TMEM87B: variants seen among roughly 807,000 people sequenced by gnomAD.
TMEM87B encodes the protein transmembrane protein 87B.
Under a neutral mutation model 80.3 loss-of-function variants are expected in TMEM87B, and 83 were observed. The observed-to-expected ratio is 1.03, with a 90% CI of 0.87 to 1.24. The LOEUF is 1.24. Ranked by LOEUF, TMEM87B falls within the 50% of genes most tolerant of loss-of-function variation. TMEM87B has a pLI of 0.00. For missense variants in TMEM87B, 625 were observed against 674.4 expected, an observed-to-expected ratio of 0.93 and a Z score of 0.81; for synonymous variants, 219 against 230.5, an observed-to-expected ratio of 0.95 and a Z score of 0.45.
At chr2:112,095,332 A>C (rs1352264094) in intron 11 of TMEM87B, 2 of 982,060 alleles carry the variant, frequency 2.0e-6, no homozygotes, top group South Asian at 4.7e-5. Context: ...GCGCGCTCTC[A>C]CTTCAGGATC....
At chr2:112,057,172 A>G (rs181470307) in intron 1 of TMEM87B, among the ~76,000 whole-genome samples, 30 of 152,322 alleles carry the variant, frequency 2.0e-4, no homozygotes, top group Admixed American at 1.7e-3. Context: ...CTTCTCTCCC[A>G]AGAGTGGACT....
At chr2:112,076,886 G>GTC (rs1266885762) in intron 5 of TMEM87B, among the ~76,000 whole-genome samples, 1 of 89,166 alleles carries the variant, frequency 1.1e-5, no homozygotes, top group Non-Finnish European at 2.4e-5. Flanking sequence ...GTGTGTGTGT[G>GTC]TGTCTGTGTG....
intron 8 of TMEM87B, among the ~76,000 whole-genome samples, chr2:112,084,692 G>A (rs1333094442): frequency 1.3e-5 from 2 of 152,164 alleles, no homozygotes; most frequent in African/African-American, 4.8e-5. Flanking sequence ...TTCACAACTG[G>A]TTTTGCCACC....
At chr2:112,079,464 A>G (rs752307962) in intron 6 of TMEM87B, among the ~76,000 whole-genome samples, 14 of 152,214 alleles carry the variant, frequency 9.2e-5, no homozygotes, top group Non-Finnish European at 1.9e-4. Flanking sequence ...TAAAGGCTGA[A>G]TAGTATTTCA....
At chr2:112,116,053 G>A (rs62157840) in intron 18 of TMEM87B, 31 bp from the exon 19 acceptor site, 1 of 1,596,440 alleles carries the variant, frequency 6.3e-7, no homozygotes, top group South Asian at 1.1e-5. Context: ...GTATCAACAT[G>A]TTGATACATA....
rs965441663 is a variant in TMEM87B, at chr2:112,082,078, A to T, written c.838+560A>T. On this transcript the variant is annotated intron_variant, in intron 8 of 18. Coordinates refer to ENST00000283206, the MANE Select transcript of TMEM87B (RefSeq NM_032824.3). ...AAGCAGGCAGGCCATACAGCTGGGC[A>T]TCCTCAGATGTGTGCCCCAGACTTC... Among the ~76,000 whole-genome samples the T allele has an allele frequency of 4.6e-5, 7 of 152,274 alleles. 1 individual carries two copies. The South Asian group carries it at 1.5e-3, about 32-fold the overall frequency.
chr2:112,058,699 AGAT>A (rs1400842310), intron 1 of TMEM87B, among the ~76,000 whole-genome samples: 1 of 152,264 alleles, frequency 6.6e-6, no homozygotes, highest in Admixed American at 6.5e-5. Context: ...TGCTGTCTAA[AGAT>A]GAATTATAGG....
chr2:112,069,943 A>G (rs1678572485), intron 4 of TMEM87B, among the ~76,000 whole-genome samples: 1 of 152,182 alleles, frequency 6.6e-6, no homozygotes, highest in Admixed American at 6.5e-5. Flanking sequence ...GCTTTTTAAA[A>G]TATGCTTGTT....
At chr2:112,072,729 T>G (rs938100418) in intron 4 of TMEM87B, among the ~76,000 whole-genome samples, 1 of 152,078 alleles carries the variant, frequency 6.6e-6, no homozygotes, top group Non-Finnish European at 1.5e-5. Flanking sequence ...CTGGATTCAT[T>G]GGTCTTTTGA....
In TMEM87B at chr2:112,101,243, TCTTA is replaced by T. The variant is rs563161738; in HGVS notation, c.1450+552_1450+555del. ...TTATCTTTGTTTCATTTTTTTGTCC[TCTTA>T]CTTTTGCTTCTCTTAGTAACATTCT... On this transcript the variant is annotated intron_variant, in intron 15 of 18. Transcript: ENST00000283206. 1.7e-4 allele frequency among the ~76,000 whole-genome samples: 26 copies of T among 152,364 alleles called. No individual in the cohort carries two copies. In the East Asian group the frequency reaches 3.7e-3, roughly 21 times the overall value.
intron 3 of TMEM87B, 85 bp from the exon 4 acceptor site, chr2:112,066,851 G>A: frequency 8.2e-7 from 1 of 1,214,604 alleles, no homozygotes; most frequent in Non-Finnish European, 1.1e-6. Context: ...TATACTTTTG[G>A]TATTATTTAG....
rs759069943 is a variant in TMEM87B at position 112,055,645 on chromosome 2, C to A, written c.54C>A (p.Cys18Ter). 37 of 1,564,584 alleles carry A rather than the reference C, an allele frequency of 2.4e-5. No individual in the cohort carries two copies. The highest frequency in any genetic ancestry group is 2.9e-5 in the Non-Finnish European group (33 of 1,157,858). ...VAGLLPRRRR[C>*]FPARAPLLRV... ...GGCTCCTGCCACGCCGCCGCCGCTGCTTTCCCGCCCGGGCCCCGCTGCTGC... is the reference window on the plus strand; with the variant it reads ...GGCTCCTGCCACGCCGCCGCCGCTGATTTCCCGCCCGGGCCCCGCTGCTGC... The change falls in exon 1 of 19, where the codon TGC (cysteine) becomes TGA (stop). Residue 18 changes from cysteine (C) to a stop codon, truncating the protein, a stop_gained. Transcript: ENST00000283206. LOFTEE classifies it high-confidence loss of function.
At position 112,077,242 on chromosome 2, in the gene TMEM87B, T is replaced by C; in HGVS notation, c.552T>C (p.Ser184=). 6.3e-7 allele frequency: 1 copy of C among 1,598,110 alleles called. No homozygotes were observed. Among genetic ancestry groups the C allele is most frequent in the African/African-American group, 1.3e-5 (1 of 74,698 alleles). The change falls in exon 6 of 19, where the codon TCT becomes TCC. Residue 184 remains serine (S), a synonymous_variant. Transcript: ENST00000283206. The stretch of plus-strand genomic sequence containing the variant: ...ATGGGTTTCATATCTTTATTGTTTC[T>C]ATTAAAACGGAGAATACAGATGCAA... The part of the protein sequence containing the change: ...QKDGFHIFIV[S]IKTENTDASW...
At position 112,107,841 on chromosome 2, in the gene TMEM87B, G is replaced by A. The variant is rs1679813765; in HGVS notation, c.1577+1G>A. ...ATATTCCCTCTTCATTCACAGATGT[G>A]TAAGTTATCTTCTGTTACAGTTTGA... On this transcript the variant is annotated splice_donor_variant, in intron 17 of 18. Transcript: ENST00000283206. LOFTEE classifies it high-confidence loss of function. 1.1e-5 allele frequency: 18 copies of A among 1,578,312 alleles called. No individual in the cohort carries two copies. The highest frequency in any genetic ancestry group is 1.5e-5 in the Non-Finnish European group (17 of 1,152,316).
At chr2:112,068,905 C>T (rs1479065956) in intron 4 of TMEM87B, among the ~76,000 whole-genome samples, 2 of 151,818 alleles carry the variant, frequency 1.3e-5, no homozygotes, top group African/African-American at 2.4e-5. Context: ...ATCGTAAACT[C>T]ATGTAGGCCG....
rs1405402080 is a variant in TMEM87B, at chr2:112,119,274, T to A, written c.*3131T>A. ...TTGAAAAATTGATGTATTTTGTGCCTTAATATTTTGTTCTTTTAATAAAAA... is the reference window on the plus strand; with the variant it reads ...TTGAAAAATTGATGTATTTTGTGCCATAATATTTTGTTCTTTTAATAAAAA... On this transcript the variant is annotated 3_prime_UTR_variant, in exon 19 of 19. Transcript: ENST00000283206. The A allele has an allele frequency of 6.6e-6, 1 of 152,210 alleles. No homozygotes were observed. The highest frequency in any genetic ancestry group is 1.5e-5 in the Non-Finnish European group (1 of 68,018). The allele number at this position is 152,210 out of a possible 1,614,324, so 9.4% of individuals were successfully genotyped here.
Position 112,055,444 on chromosome 2 carries a change from C to A in TMEM87B, c.-148C>A. ...GGTTTCCCAGAACTGCACGGCGCCTCTCCGCCCAGGCCCAAGCGCGAGCCC... is the reference window on the plus strand; with the variant it reads ...GGTTTCCCAGAACTGCACGGCGCCTATCCGCCCAGGCCCAAGCGCGAGCCC... On this transcript the variant is annotated 5_prime_UTR_variant, in exon 1 of 19. Coordinates refer to ENST00000283206, the MANE Select transcript of TMEM87B (RefSeq NM_032824.3). 1.0e-6 allele frequency: 1 copy of A among 953,454 alleles called. No homozygotes were observed. The highest frequency in any genetic ancestry group is 1.5e-6 in the Non-Finnish European group (1 of 688,962). The allele number at this position is 953,454 out of a possible 1,614,324, so 59.1% of individuals were successfully genotyped here. A position where few individuals can be genotyped will look rare whatever the true frequency, so the allele number is the denominator to read the frequency against.
chr2:112,072,733 C>A (rs1678689708), intron 4 of TMEM87B, among the ~76,000 whole-genome samples: 1 of 151,682 alleles, frequency 6.6e-6, no homozygotes, highest in Admixed American at 6.6e-5. Context: ...ATTCATTGGT[C>A]TTTTGAATGG....
intron 8 of TMEM87B, 55 bp downstream of exon 8, chr2:112,081,573 T>C: frequency 6.6e-7 from 1 of 1,508,452 alleles, no homozygotes; most frequent in Non-Finnish European, 8.9e-7. Flanking sequence ...CCCCAGTATT[T>C]ATGAGCAGAG....
Sources: gnomAD v4.1 joint callset for allele counts (sites outside exome capture counted in the v4.1 genomes callset) on GRCh38, gnomAD v4.1.1 for gene constraint, MANE v1.5 for transcripts, NCBI Gene and HGNC (gene_info 2026-07-23, HGNC 2026-07-21) for gene names.